Variants in AGBL1 observed in about 807,000 individuals in gnomAD.
AGBL1 encodes the protein cytosolic carboxypeptidase 4.
In AGBL1, 130 loss-of-function variants were observed where a neutral mutation model predicts 118.9. The ratio of observed to expected loss-of-function variants is 1.09; its 90% CI spans 0.95 to 1.26. The LOEUF (loss-of-function observed/expected upper bound fraction) is 1.26. Among genes scored for constraint, AGBL1 ranks in the 50% most tolerant of loss-of-function variants. The probability of loss-of-function intolerance (pLI) is 0.00; values close to 1 mark genes in which losing one functional copy is unlikely to be tolerated. For synonymous variants in AGBL1, 555 were observed against 478.9 expected, an observed-to-expected ratio of 1.16 and a Z score of -2.08; for missense variants, 1,584 against 1,298.1, an observed-to-expected ratio of 1.22 and a Z score of -3.38.
chr15:86,970,280 T>C (rs983845208), intron 23 of AGBL1, among the ~76,000 whole-genome samples: 5 of 151,908 alleles, frequency 3.3e-5, no homozygotes, highest in African/African-American at 1.2e-4. Flanking sequence ...ATATTAATAA[T>C]AGTAGCAAAT....
intron 23 of AGBL1, among the ~76,000 whole-genome samples, chr15:86,931,758 CT>C (rs1419108781): frequency 1.3e-5 from 2 of 152,060 alleles, no homozygotes; most frequent in Non-Finnish European, 2.9e-5. Context: ...GAGTTATTTG[CT>C]TCTTAAAACA....
At chr15:86,484,808 C>A (rs987974530) in intron 18 of AGBL1, among the ~76,000 whole-genome samples, 3 of 152,120 alleles carry the variant, frequency 2.0e-5, no homozygotes, top group Non-Finnish European at 4.4e-5. Context: ...TTCTAGAGAA[C>A]TGCTATGAGA....
chr15:86,465,497 A>G (rs1233684470), intron 18 of AGBL1, among the ~76,000 whole-genome samples: 1 of 152,222 alleles, frequency 6.6e-6, no homozygotes, highest in Non-Finnish European at 1.5e-5. Context: ...CGGGAAGAAC[A>G]GAGTCATATT....
At chr15:86,504,209 A>G (rs2082948357) in intron 18 of AGBL1, among the ~76,000 whole-genome samples, 1 of 151,622 alleles carries the variant, frequency 6.6e-6, no homozygotes, top group Non-Finnish European at 1.5e-5. Context: ...GTTAAAGTAC[A>G]TTATGTCTGA....
chr15:86,375,617 C>T (rs1345431901), intron 17 of AGBL1, among the ~76,000 whole-genome samples: 1 of 152,116 alleles, frequency 6.6e-6, no homozygotes, highest in African/African-American at 2.4e-5. Context: ...CTAATCCATC[C>T]CTAGTGTCTT....
At chr15:86,659,822 C>G (rs2085512141) in intron 21 of AGBL1, among the ~76,000 whole-genome samples, 1 of 152,182 alleles carries the variant, frequency 6.6e-6, no homozygotes, top group African/African-American at 2.4e-5. Flanking sequence ...GCTGGGGTTT[C>G]CAGCTGTTCC....
At chr15:86,666,172 C>A (rs1193797093) in intron 21 of AGBL1, among the ~76,000 whole-genome samples, 1 of 152,054 alleles carries the variant, frequency 6.6e-6, no homozygotes, top group Non-Finnish European at 1.5e-5. Context: ...TGGTCCTGGG[C>A]CTTGCTTTCC....
At chr15:86,721,013 T>C (rs1403463133) in intron 22 of AGBL1, among the ~76,000 whole-genome samples, 2 of 152,052 alleles carry the variant, frequency 1.3e-5, no homozygotes, top group Admixed American at 1.3e-4. Flanking sequence ...ATTAATAGCT[T>C]ACCAATCAAA....
rs190248354 is a variant in AGBL1, at chr15:87,022,235, T to C, written c.3324-6590T>C. On this transcript the variant is annotated intron_variant, in intron 24 of 24. Transcript: ENST00000441037. ...TGAGAAGGAACCAGAAAACCAACTC[T>C]GGTAATATGACAAAACAAGGTTATT... Among the ~76,000 whole-genome samples, 164 of 152,118 alleles carry C rather than the reference T, an allele frequency of 1.1e-3. 1 individual carries two copies. Among genetic ancestry groups the C allele is most frequent in the African/African-American group, 3.1e-3 (128 of 41,528 alleles).
chr15:86,530,863 G>A (rs2083340287), intron 19 of AGBL1, among the ~76,000 whole-genome samples: 1 of 102,038 alleles, frequency 9.8e-6, no homozygotes, highest in Non-Finnish European at 1.9e-5. Flanking sequence ...ATGACTACTG[G>A]GTACATAACG....
At chr15:86,732,062 C>T (rs1230328925) in intron 22 of AGBL1, among the ~76,000 whole-genome samples, 2 of 152,184 alleles carry the variant, frequency 1.3e-5, no homozygotes, top group Admixed American at 1.3e-4. Flanking sequence ...TACTGTTATC[C>T]CCATTTTACA....
At chr15:86,492,436 A>G (rs1020099248) in intron 18 of AGBL1, among the ~76,000 whole-genome samples, 6 of 152,074 alleles carry the variant, frequency 3.9e-5, no homozygotes, top group Admixed American at 3.9e-4. Context: ...CTAAAAATAC[A>G]AAAATTAGCT....
chr15:86,577,363 GCAAAGC>G (rs1367664999), intron 21 of AGBL1, among the ~76,000 whole-genome samples: 29 of 152,104 alleles, frequency 1.9e-4, no homozygotes, highest in Admixed American at 1.9e-3. Context: ...TTTCCAAGCA[GCAAAGC>G]ATTCAAGAGG....
At chr15:86,751,626 C>T (rs988873508) in intron 22 of AGBL1, among the ~76,000 whole-genome samples, 2 of 152,120 alleles carry the variant, frequency 1.3e-5, no homozygotes, top group Non-Finnish European at 2.9e-5. Context: ...CTCCAAGTCA[C>T]ATTGATCAGT....
intron 22 of AGBL1, among the ~76,000 whole-genome samples, chr15:86,897,614 A>G (rs898794665): frequency 6.6e-6 from 1 of 151,792 alleles, no homozygotes; most frequent in East Asian, 1.9e-4. Context: ...TTTTATGTAA[A>G]CTTCACAACT....
chr15:86,800,175 AT>A (rs966604987), intron 22 of AGBL1, among the ~76,000 whole-genome samples: 2 of 151,832 alleles, frequency 1.3e-5, no homozygotes, highest in East Asian at 1.9e-4. Context: ...ATAGGATATT[AT>A]TTTTTTTGTC....
intron 3 of AGBL1, among the ~76,000 whole-genome samples, chr15:86,153,734 T>A (rs1567090251): frequency 6.6e-6 from 1 of 152,218 alleles, no homozygotes; most frequent in East Asian, 1.9e-4. Flanking sequence ...TTATGAAAAC[T>A]CTCTCTCATG....
chr15:87,023,043 A>G (rs538424781), intron 24 of AGBL1, among the ~76,000 whole-genome samples: 4 of 152,208 alleles, frequency 2.6e-5, no homozygotes, highest in Non-Finnish European at 4.4e-5. Context: ...GACCTATAAA[A>G]TAAAAATACC....
At chr15:86,737,213 G>A (rs1567148276) in intron 22 of AGBL1, among the ~76,000 whole-genome samples, 1 of 152,178 alleles carries the variant, frequency 6.6e-6, no homozygotes, top group Non-Finnish European at 1.5e-5. Flanking sequence ...GAGCTGGAAG[G>A]TTGCTGGGGA....
Sources: allele counts gnomAD v4.1 joint callset (sites outside exome capture counted in the v4.1 genomes callset), GRCh38; gene constraint gnomAD v4.1.1; transcripts MANE v1.5; gene names NCBI Gene and HGNC (gene_info 2026-07-23, HGNC 2026-07-21).